Variants in SLC5A9 observed in about 807,000 individuals in gnomAD.
The protein encoded by SLC5A9 is solute carrier family 5 member 9, also known as sodium/glucose cotransporter 4.
In SLC5A9, 59 loss-of-function variants were observed where a neutral mutation model predicts 70.9. That is an observed-to-expected ratio of 0.83 (90% CI 0.68 to 1.03). The LOEUF (loss-of-function observed/expected upper bound fraction) is 1.03. Ranked by LOEUF, SLC5A9 falls within the 50% of genes least tolerant of loss-of-function variation. SLC5A9 has a pLI of 0.00. For missense variants in SLC5A9, 832 were observed against 881.1 expected (o/e 0.94, Z 0.71); for synonymous variants, 340 against 346.5 (o/e 0.98, Z 0.21).
chr1:48,233,813 C>G (rs1168223790), intron 9 of SLC5A9, 51 bp downstream of exon 9: 29 of 1,322,814 alleles, frequency 2.2e-5, no homozygotes, highest in Non-Finnish European at 3.0e-5. Context: ...CAGCCTCCTC[C>G]AATCTCCACT....
At chr1:48,226,242 A>G (rs537482449) in intron 2 of SLC5A9, among the ~76,000 whole-genome samples, 1 of 151,798 alleles carries the variant, frequency 6.6e-6, no homozygotes, top group South Asian at 2.1e-4. Flanking sequence ...GAAATGAAGG[A>G]AAGGAGGAGA....
chr1:48,225,205 G>T (rs1247096816), intron 2 of SLC5A9, among the ~76,000 whole-genome samples: 1 of 152,136 alleles, frequency 6.6e-6, no homozygotes, highest in African/African-American at 2.4e-5. Flanking sequence ...GTCAGCTAGG[G>T]TTAGGAAAGA....
intron 13 of SLC5A9, 125 bp downstream of exon 13, chr1:48,242,741 C>T: frequency 1.1e-6 from 1 of 913,634 alleles, no homozygotes; most frequent in Middle Eastern, 3.7e-4. Context: ...ACTCCTTTCC[C>T]ACGTGGCTAC....
At position 48,239,298 on chromosome 1, in the gene SLC5A9, G is replaced by A. The variant is rs541530606; in HGVS notation, c.1462-24G>A. The stretch of plus-strand genomic sequence containing the variant: ...GGTCTCCCACCTGGATCTCACCTCA[G>A]CTCTTGTCTGCCCTCTCTCACAGGG... On this transcript the variant is annotated intron_variant, in intron 11 of 13. Transcript: ENST00000438567. The surrounding 1 kb of genome is among the most constrained non-coding windows in gnomAD (Gnocchi z 4.2). 1.9e-6 allele frequency: 3 copies of A among 1,571,606 alleles called. No individual in the cohort carries two copies. Among genetic ancestry groups the A allele is most frequent in the South Asian group, 2.3e-5 (2 of 87,660 alleles).
intron 13 of SLC5A9, among the ~76,000 whole-genome samples, chr1:48,244,866 G>A (rs190967547): frequency 0.22 from 2,598 of 11,556 alleles, 319 homozygotes; most frequent in Non-Finnish European, 0.29. Context: ...GTGTGTGTAT[G>A]TATGTGTATG....
At chr1:48,227,313 TGTGTGG>T (rs1644171343) in intron 2 of SLC5A9, among the ~76,000 whole-genome samples, 1 of 143,776 alleles carries the variant, frequency 7.0e-6, no homozygotes, top group African/African-American at 2.5e-5. Flanking sequence ...GTACTGTGCC[TGTGTGG>T]GCGTGAGTGC....
chr1:48,247,428 CG>C lies in SLC5A9; in HGVS notation c.1932del (p.Leu645Ter). ...EQALSPAEKA[A>X]LEQKLTSIEE... ...GCCCTGAGCCCAGCAGAGAAGGCTG[CG>C]CTAGAACAGAAGCTGACAAGCATTG... is the stretch of plus-strand genomic sequence containing the variant. On this transcript the variant is annotated frameshift_variant, in exon 14 of 14. Transcript: ENST00000438567. LOFTEE classifies it low-confidence loss of function (END_TRUNC). 6.2e-7 allele frequency: 1 copy of C among 1,614,100 alleles called. No homozygotes were observed. The highest frequency in any genetic ancestry group is 8.5e-7 in the Non-Finnish European group (1 of 1,180,016).
At chr1:48,243,218 C>T (rs539806069) in intron 13 of SLC5A9, among the ~76,000 whole-genome samples, 1 of 152,226 alleles carries the variant, frequency 6.6e-6, no homozygotes, top group South Asian at 2.1e-4. Flanking sequence ...CTCAACAAGT[C>T]TGCCTATAGT....
At chr1:48,235,327 C>T (rs1274708758) in intron 9 of SLC5A9, among the ~76,000 whole-genome samples, 1 of 152,192 alleles carries the variant, frequency 6.6e-6, no homozygotes, top group Non-Finnish European at 1.5e-5. Context: ...TATTAATAAT[C>T]ACCTTTCTCT....
Position 48,239,846 on chromosome 1 carries a change from G to A in SLC5A9, c.1677+309G>A, listed in dbSNP as rs574270667. Among the ~76,000 whole-genome samples, 2 of 152,330 alleles carry A rather than the reference G, an allele frequency of 1.3e-5. No individual in the cohort carries two copies. The highest frequency in any genetic ancestry group is 1.9e-4 in the East Asian group (1 of 5,176). On this transcript the variant is annotated intron_variant, in intron 12 of 13. Coordinates refer to ENST00000438567, the MANE Select transcript of SLC5A9 (RefSeq NM_001011547.3). This position sits in a 1 kb window ranked among gnomAD's most constrained non-coding sequence, Gnocchi z 4.2. ...GACACAAGCTATCACTATACAAAGA[G>A]AAAGTGCAGAAGGACCAAGCTCAAC...
In SLC5A9 at chr1:48,228,900, C is replaced by T. The variant is rs1053907653; in HGVS notation, c.285C>T (p.Gly95=). The change falls in exon 3 of 14, where the codon GGC becomes GGT. Residue 95 remains glycine, a synonymous_variant. Transcript: ENST00000438567. ...ATGTGGGCAGTGGCTTGTTCATCGG[C>T]CTGGCTGGGACAGGGGCTGCCGGAG... ...SSNVGSGLFI[G]LAGTGAAGGL... is the part of the protein sequence containing the mutation. The T allele has an allele frequency of 4.3e-6, 7 of 1,613,646 alleles. No homozygotes were observed. The highest frequency in any genetic ancestry group is 5.1e-6 in the Non-Finnish European group (6 of 1,179,996).
chr1:48,231,222 G>A (rs1235538336), intron 5 of SLC5A9, among the ~76,000 whole-genome samples: 1 of 152,144 alleles, frequency 6.6e-6, no homozygotes, highest in Non-Finnish European at 1.5e-5. Context: ...GAGAAAGCAG[G>A]GAGTATTCCT....
intron 8 of SLC5A9, 134 bp downstream of exon 8, chr1:48,232,636 C>A: frequency 1.7e-6 from 2 of 1,189,092 alleles, no homozygotes; most frequent in South Asian, 1.5e-5. Context: ...GAATACATAG[C>A]CGGTCATGGT....
chr1:48,246,294 A>ATAAG (rs1235861562), intron 13 of SLC5A9, among the ~76,000 whole-genome samples: 4 of 152,148 alleles, frequency 2.6e-5, no homozygotes, highest in Non-Finnish European at 4.4e-5. Flanking sequence ...GTGACCTTAA[A>ATAAG]TAAGTCTCTT....
At chr1:48,242,000 A>G (rs1486128083) in intron 12 of SLC5A9, 1 of 456,426 alleles carries the variant, frequency 2.2e-6, no homozygotes, top group Non-Finnish European at 4.4e-6. Flanking sequence ...ACCCCTTTCA[A>G]TTCACTCCAA....
intron 1 of SLC5A9, among the ~76,000 whole-genome samples, chr1:48,223,177 A>G (rs1032167079): frequency 1.1e-4 from 16 of 151,888 alleles, no homozygotes; most frequent in African/African-American, 3.9e-4. Context: ...GGCCCCAACC[A>G]TCCCTGGTTG....
In SLC5A9 at chr1:48,225,985, G is replaced by A. The variant is rs1168746809; in HGVS notation, c.234+1190G>A. On this transcript the variant is annotated intron_variant, in intron 2 of 13. Coordinates refer to ENST00000438567, the MANE Select transcript of SLC5A9 (RefSeq NM_001011547.3). ...CTAGTGGTCACAGACTCATTAAAGA[G>A]TAGCAGAAACACAGGAGGCCTCCAG... is the stretch of plus-strand genomic sequence containing the variant. Among the ~76,000 whole-genome samples, 5 of 152,118 alleles carry A rather than the reference G, an allele frequency of 3.3e-5. No homozygotes were observed. In the South Asian group the frequency reaches 6.2e-4, roughly 19 times the overall value.
At chr1:48,224,696 A>C in intron 1 of SLC5A9, 28 bp from the exon 2 acceptor site, 74 of 1,541,746 alleles carry the variant, frequency 4.8e-5, no homozygotes, top group Non-Finnish European at 5.9e-5. Flanking sequence ...GTCTTGAGAA[A>C]TCCTCATCTC....
At chr1:48,229,268 A>G (rs1046612411) in intron 3 of SLC5A9, 27 bp from the exon 4 acceptor site, 75 of 1,613,880 alleles carry the variant, frequency 4.6e-5, no homozygotes, top group Non-Finnish European at 6.3e-5. Flanking sequence ...GGACCTGGAT[A>G]CCTTCTTCTT....
Sources: gnomAD v4.1 joint callset for allele counts (sites outside exome capture counted in the v4.1 genomes callset) on GRCh38, gnomAD v4.1.1 for gene constraint, Gnocchi (gnomAD v3.1) non-coding constraint, MANE v1.5 for transcripts, NCBI Gene and HGNC (gene_info 2026-07-23, HGNC 2026-07-21) for gene names.